Variants in ANKRD45 observed in about 807,000 individuals in gnomAD.
The protein encoded by ANKRD45 is ankyrin repeat domain 45.
A neutral mutation model predicts 28.1 loss-of-function variants in ANKRD45; 21 were observed. The observed-to-expected ratio is 0.75, with a 90% CI of 0.53 to 1.08. ANKRD45 has a LOEUF of 1.08. ANKRD45 is among the 50% of genes least tolerant of loss of function. The pLI is 0.00. For synonymous variants in ANKRD45, 86 were observed against 103.9 expected, an observed-to-expected ratio of 0.83 and a Z score of 1.05; for missense variants, 261 against 308.7, an observed-to-expected ratio of 0.85 and a Z score of 1.16.
chr1:173,639,705 G>A (rs903325234), intron 3 of ANKRD45, among the ~76,000 whole-genome samples: 1 of 152,186 alleles, frequency 6.6e-6, no homozygotes, highest in Non-Finnish European at 1.5e-5. Context: ...ATTCCAAAGT[G>A]TTCAAATGAA....
At chr1:173,657,039 T>C (rs922963560) in intron 2 of ANKRD45, among the ~76,000 whole-genome samples, 1 of 147,490 alleles carries the variant, frequency 6.8e-6, no homozygotes, top group Admixed American at 6.6e-5. Context: ...TGGCCTCCCA[T>C]AGTGCTGGGA....
At chr1:173,625,730 T>C (rs770069567) in intron 4 of ANKRD45, among the ~76,000 whole-genome samples, 1 of 152,014 alleles carries the variant, frequency 6.6e-6, no homozygotes, top group Non-Finnish European at 1.5e-5. Context: ...ATAAGTGTGA[T>C]CTCATTTTTA....
At chr1:173,640,129 C>G (rs142162278) in intron 3 of ANKRD45, among the ~76,000 whole-genome samples, 39 of 152,248 alleles carry the variant, frequency 2.6e-4, no homozygotes, top group African/African-American at 8.7e-4. Context: ...AGGCCTGTCT[C>G]CATATGAAAT....
At chr1:173,658,011 G>A (rs970799253) in intron 2 of ANKRD45, 1 of 152,004 alleles carries the variant, frequency 6.6e-6, no homozygotes, top group African/African-American at 2.4e-5. Context: ...TATATCTTCT[G>A]TGACCAATAG....
chr1:173,616,609 G>T (rs934398745), intron 5 of ANKRD45, among the ~76,000 whole-genome samples: 3 of 152,098 alleles, frequency 2.0e-5, no homozygotes, highest in Non-Finnish European at 2.9e-5. Context: ...AATGTTAGGG[G>T]TGTGCCTGCC....
chr1:173,612,319 A>AGAAGGAAGGAAGGAAGGAAGGAAGGAAG lies in ANKRD45; in HGVS notation c.731-2132_731-2105dup, dbSNP rs200258529. On this transcript the variant is annotated intron_variant, in intron 5 of 5. Coordinates refer to ENST00000333279, the MANE Select transcript of ANKRD45 (RefSeq NM_198493.3). Reference sequence around the variant, plus strand: ...AAGAAGGAAAGAAGGAAGGAAGGAAAGAAGGAAGGAAGGAAGGAAGGAAGG... The same window carrying AGAAGGAAGGAAGGAAGGAAGGAAGGAAG: ...AAGAAGGAAAGAAGGAAGGAAGGAAAGAAGGAAGGAAGGAAGGAAGGAAGGAAGGAAGGAAGGAAGGAAGGAAGGAAGG... Among the ~76,000 whole-genome samples the AGAAGGAAGGAAGGAAGGAAGGAAGGAAG allele has an allele frequency of 3.8e-4, 50 of 130,326 alleles. 1 individual carries two copies. The highest frequency in any genetic ancestry group is 9.7e-4 in the East Asian group (4 of 4,134). The allele number at this position is 130,326 out of a possible 152,430, so 85.5% of individuals were successfully genotyped here. A position where few individuals can be genotyped will look rare whatever the true frequency, so the allele number is the denominator to read the frequency against.
chr1:173,690,069 C>CT, the ANKRD45 span, among the ~76,000 whole-genome samples: 7 of 104,470 alleles, frequency 6.7e-5, no homozygotes, highest in Admixed American at 1.7e-4. Context: ...CCCGCCCCCC[C>CT]CCCCCCCGAC....
the ANKRD45 span, among the ~76,000 whole-genome samples, chr1:173,684,102 G>T: frequency 2.0e-5 from 3 of 152,062 alleles, no homozygotes; most frequent in African/African-American, 4.8e-5. Context: ...TTAGGGTGGA[G>T]CAGCTGATCG....
chr1:173,689,601 C>G, the ANKRD45 span, among the ~76,000 whole-genome samples: 1 of 152,126 alleles, frequency 6.6e-6, no homozygotes, highest in East Asian at 1.9e-4. Context: ...CAAATTGAGG[C>G]CTGCACATTG....
the ANKRD45 span, among the ~76,000 whole-genome samples, chr1:173,681,412 GTCTTT>G: frequency 3.9e-5 from 6 of 152,032 alleles, no homozygotes; most frequent in African/African-American, 4.8e-5. Context: ...CATTTGACTA[GTCTTT>G]TCTTTTTTCT....
the ANKRD45 span, among the ~76,000 whole-genome samples, chr1:173,681,823 G>A: frequency 3.9e-4 from 59 of 152,000 alleles, 1 homozygote; most frequent in Non-Finnish European, 4.4e-5. Flanking sequence ...AGGCTGAGGT[G>A]GGAGGATCAC....
the ANKRD45 span, among the ~76,000 whole-genome samples, chr1:173,707,926 C>T: frequency 1.3e-5 from 2 of 152,134 alleles, no homozygotes; most frequent in Non-Finnish European, 2.9e-5. Context: ...TGCCTATTGC[C>T]CCACTGATTT....
chr1:173,695,821 A>C, the ANKRD45 span, among the ~76,000 whole-genome samples: 869 of 152,268 alleles, frequency 5.7e-3, 8 homozygotes, highest in African/African-American at 0.02. Context: ...TCCCACCAAC[A>C]GCGTATAAGC....
chr1:173,687,985 T>A, the ANKRD45 span, among the ~76,000 whole-genome samples: 282 of 144,752 alleles, frequency 1.9e-3, 2 homozygotes, highest in African/African-American at 7.3e-3. Context: ...TAATGTTGAA[T>A]CTTTTTTTTT....
At position 173,662,829 on chromosome 1, in the gene ANKRD45, A is replaced by G. The variant is rs185348951; in HGVS notation, c.-15-3396T>C. 1.2e-3 allele frequency among the ~76,000 whole-genome samples: 182 copies of G among 152,270 alleles called. 3 individuals carry two copies. The highest frequency in any genetic ancestry group is 0.011 in the Admixed American group (172 of 15,276). On this transcript the variant is annotated intron_variant, in intron 1 of 5. Transcript: ENST00000333279. ...CCCCATCTTTAAGAGGAGAGGGAGG[A>G]AAAAAAGCAAGTTTCTTGATTTTCC... is the stretch of plus-strand genomic sequence containing the variant.
intron 5 of ANKRD45, chr1:173,612,674 T>A (rs1190144594): frequency 6.5e-6 from 1 of 154,676 alleles, no homozygotes; most frequent in African/African-American, 2.4e-5. Flanking sequence ...CCATCTCGGC[T>A]CACTGCAGCC....
chr1:173,704,101 G>A, the ANKRD45 span, among the ~76,000 whole-genome samples: 1,079 of 152,314 alleles, frequency 7.1e-3, 9 homozygotes, highest in African/African-American at 0.025. Flanking sequence ...CATGTCCCGC[G>A]GTGGGGAGGC....
At chr1:173,688,572 CTCTG>C in the ANKRD45 span, among the ~76,000 whole-genome samples, 1 of 141,990 alleles carries the variant, frequency 7.0e-6, no homozygotes, top group African/African-American at 2.5e-5. Flanking sequence ...CTCTCTCTCT[CTCTG>C]CCGCTTCCTC....
the ANKRD45 span, among the ~76,000 whole-genome samples, chr1:173,704,468 C>T: frequency 2.6e-5 from 4 of 152,234 alleles, no homozygotes; most frequent in Non-Finnish European, 5.9e-5. Flanking sequence ...AAATTAATCA[C>T]TTTCAACCTT....
Sources: allele counts gnomAD v4.1 joint callset (sites outside exome capture counted in the v4.1 genomes callset), GRCh38; gene constraint gnomAD v4.1.1; transcripts MANE v1.5; gene names NCBI Gene and HGNC (gene_info 2026-07-23, HGNC 2026-07-21).